Variants in XIRP2 observed in about 807,000 individuals in gnomAD.
The protein encoded by XIRP2 is xin actin binding repeat containing 2.
XIRP2 carries 236 observed loss-of-function variants against 277.0 expected under a neutral mutation model. That is an observed-to-expected ratio of 0.85 (90% CI 0.77 to 0.95). The LOEUF is 0.95. XIRP2 is among the 40% of genes least tolerant of loss of function. The pLI is 0.00. For synonymous variants in XIRP2, 1,490 were observed against 1,416.5 expected, an observed-to-expected ratio of 1.05 and a Z score of -1.17; for missense variants, 4,640 against 4,157.5, an observed-to-expected ratio of 1.12 and a Z score of -3.19.
At chr2:167,231,188 G>T (rs1179441263) in intron 5 of XIRP2, among the ~76,000 whole-genome samples, 1 of 151,772 alleles carries the variant, frequency 6.6e-6, no homozygotes, top group Non-Finnish European at 1.5e-5. Context: ...TTCTTATTTG[G>T]ATTTTATATA....
At chr2:167,157,096 A>G (rs1178328052) in intron 3 of XIRP2, among the ~76,000 whole-genome samples, 1 of 152,180 alleles carries the variant, frequency 6.6e-6, no homozygotes, top group African/African-American at 2.4e-5. Flanking sequence ...TAAATTTACC[A>G]CAACAAAATG....
intron 2 of XIRP2, among the ~76,000 whole-genome samples, chr2:167,000,058 C>T (rs1490070473): frequency 6.6e-6 from 1 of 152,084 alleles, no homozygotes; most frequent in Non-Finnish European, 1.5e-5. Context: ...TGCAGAAAAC[C>T]CAACCCTGAT....
Position 167,043,262 on chromosome 2 carries a change from C to G in XIRP2, c.409-92647C>G, listed in dbSNP as rs1188106290. On this transcript the variant is annotated intron_variant, in intron 2 of 10. Transcript: ENST00000409195. ...ATCTCAAATTAAAAACCTGAAGTCA[C>G]ACATAGAAGAACTAGGAAAACAAGA... Among the ~76,000 whole-genome samples the G allele has an allele frequency of 3.3e-5, 5 of 152,104 alleles. No individual in the cohort carries two copies. The East Asian group carries it at 9.7e-4, about 29-fold the overall frequency.
At chr2:166,985,985 C>T (rs1686994336) in intron 2 of XIRP2, among the ~76,000 whole-genome samples, 1 of 152,162 alleles carries the variant, frequency 6.6e-6, no homozygotes, top group South Asian at 2.1e-4. Flanking sequence ...ACTGATGGAA[C>T]TAGGAAGCTA....
At chr2:166,968,644 G>C (rs1686490786) in intron 2 of XIRP2, among the ~76,000 whole-genome samples, 1 of 151,884 alleles carries the variant, frequency 6.6e-6, no homozygotes. Flanking sequence ...TCCAGAACCT[G>C]CTCCATTTTG....
intron 4 of XIRP2, among the ~76,000 whole-genome samples, chr2:167,217,292 AAAAG>A (rs1382038534): frequency 2.2e-4 from 34 of 151,892 alleles, no homozygotes; most frequent in African/African-American, 7.7e-4. Context: ...ATAAAAAAAA[AAAAG>A]AAAAAAAAAT....
chr2:167,079,593 C>A (rs1300489157), intron 2 of XIRP2, among the ~76,000 whole-genome samples: 1 of 152,052 alleles, frequency 6.6e-6, no homozygotes, highest in Non-Finnish European at 1.5e-5. Context: ...GGGATTTATC[C>A]ATTTCCTCTC....
chr2:166,910,472 T>G (rs1163575596), intron 2 of XIRP2, among the ~76,000 whole-genome samples: 1 of 152,158 alleles, frequency 6.6e-6, no homozygotes, highest in Admixed American at 6.5e-5. Flanking sequence ...CCTTTATCAT[T>G]TTTTATGGCA....
intron 5 of XIRP2, among the ~76,000 whole-genome samples, chr2:167,222,535 G>A (rs996529849): frequency 2.0e-5 from 3 of 152,146 alleles, no homozygotes; most frequent in East Asian, 1.9e-4. Flanking sequence ...GGGATTATAA[G>A]TCACTCAGCA....
intron 10 of XIRP2, among the ~76,000 whole-genome samples, 160 bp downstream of exon 10, chr2:167,254,325 C>T (rs927901887): frequency 9.9e-5 from 15 of 151,884 alleles, no homozygotes; most frequent in Admixed American, 3.3e-4. Flanking sequence ...TGTATTTCTG[C>T]GACCTTTTTC....
At position 167,003,173 on chromosome 2, in the gene XIRP2, C is replaced by CA. The variant is rs543480330; in HGVS notation, c.408+99289dup. On this transcript the variant is annotated intron_variant, in intron 2 of 10. Transcript: ENST00000409195. ...ATTAATTGCAGGTGAAACTTATATA[C>CA]AAAAAATCCCTATTTATTTGGCCCA... Among the ~76,000 whole-genome samples the CA allele has an allele frequency of 2.2e-4, 34 of 151,454 alleles. 1 individual carries two copies. In the East Asian group the frequency reaches 3.9e-3, roughly 17 times the overall value.
intron 2 of XIRP2, among the ~76,000 whole-genome samples, chr2:166,947,461 C>T (rs188504878): frequency 2.3e-3 from 345 of 152,186 alleles, no homozygotes; most frequent in African/African-American, 7.9e-3. Flanking sequence ...TCTTCATAAG[C>T]CTGAAAGCAG....
chr2:167,232,629 T>C (rs186444416), intron 5 of XIRP2, among the ~76,000 whole-genome samples: 94 of 152,086 alleles, frequency 6.2e-4, no homozygotes, highest in African/African-American at 2.2e-3. Flanking sequence ...GTGCAATAAA[T>C]ATTTGTTAAG....
Position 167,000,907 on chromosome 2 carries a change from T to A in XIRP2, c.408+97017T>A, listed in dbSNP as rs560960377. ...ATGGATATAAGAAAGTCTGACCAGGTGCAGTGGTGCAGACCTGTAGTACCA... is the reference window on the plus strand; with the variant it reads ...ATGGATATAAGAAAGTCTGACCAGGAGCAGTGGTGCAGACCTGTAGTACCA... On this transcript the variant is annotated intron_variant, in intron 2 of 10. Coordinates refer to ENST00000409195, the MANE Select transcript of XIRP2 (RefSeq NM_152381.6). Among the ~76,000 whole-genome samples the A allele has an allele frequency of 4.6e-5, 7 of 152,200 alleles. No individual in the cohort carries two copies. In the South Asian group the frequency reaches 1.5e-3, roughly 32 times the overall value.
At chr2:167,121,205 T>G (rs1379028863) in intron 2 of XIRP2, among the ~76,000 whole-genome samples, 2 of 152,216 alleles carry the variant, frequency 1.3e-5, no homozygotes, top group East Asian at 3.9e-4. Flanking sequence ...CAGAACTTTA[T>G]GCTCCTGAAA....
intron 3 of XIRP2, among the ~76,000 whole-genome samples, chr2:167,157,901 G>A (rs1047989555): frequency 1.3e-5 from 2 of 151,988 alleles, no homozygotes; most frequent in African/African-American, 4.8e-5. Context: ...TAATTTTGGA[G>A]AAAATATTGT....
intron 2 of XIRP2, among the ~76,000 whole-genome samples, chr2:166,941,266 G>C (rs1685706315): frequency 6.6e-6 from 1 of 152,196 alleles, no homozygotes; most frequent in South Asian, 2.1e-4. Context: ...ATAATCTCCT[G>C]GTGTGCCATT....
At chr2:167,095,996 C>G (rs1690304147) in intron 2 of XIRP2, among the ~76,000 whole-genome samples, 1 of 150,478 alleles carries the variant, frequency 6.6e-6, no homozygotes, top group South Asian at 2.1e-4. Context: ...GCCTCTGCCT[C>G]CCAAGTAGCT....
intron 2 of XIRP2, among the ~76,000 whole-genome samples, chr2:167,099,941 C>T (rs1380667036): frequency 1.3e-5 from 2 of 152,050 alleles, no homozygotes; most frequent in Non-Finnish European, 1.5e-5. Context: ...AGACCGGAGC[C>T]GTTCCTATTC....
Sources: allele counts gnomAD v4.1 joint callset (sites outside exome capture counted in the v4.1 genomes callset), GRCh38; gene constraint gnomAD v4.1.1; transcripts MANE v1.5; gene names NCBI Gene and HGNC (gene_info 2026-07-23, HGNC 2026-07-21).